MRPL24: variants seen among roughly 807,000 people sequenced by gnomAD.
The protein encoded by MRPL24 is mitochondrial ribosomal protein L24.
Under a neutral mutation model 26.9 loss-of-function variants are expected in MRPL24, and 15 were observed. That is an observed-to-expected ratio of 0.56 (90% CI 0.37 to 0.86). MRPL24 has a LOEUF of 0.86. MRPL24 is among the 40% of genes least tolerant of loss of function. The pLI, the probability that MRPL24 is intolerant of heterozygous loss-of-function variation, is 0.00. For synonymous variants in MRPL24, 92 were observed against 102.4 expected (o/e 0.90, Z 0.62); for missense variants, 241 against 281.4 (o/e 0.86, Z 1.03).
intron 1 of MRPL24, among the ~76,000 whole-genome samples, chr1:156,739,658 A>ACTT (rs1650013125): frequency 1.4e-5 from 2 of 146,496 alleles, no homozygotes; most frequent in South Asian, 4.3e-4. Flanking sequence ...AGGCAACTTA[A>ACTT]CTTTTTTTTT....
chr1:156,737,635 C>T lies in MRPL24; in HGVS notation c.514+11G>A. The T allele has an allele frequency of 6.2e-7, 1 of 1,614,098 alleles. No individual in the cohort carries two copies. ...GCACCCACCCCTGACCTTCCTGCCC[C>T]TCACTCTCACCAATCCACGTTTCAG... On this transcript the variant is annotated intron_variant, in intron 5 of 5. Coordinates refer to ENST00000361531, the MANE Select transcript of MRPL24 (RefSeq NM_145729.3).
At chr1:156,737,618 C>T in intron 5 of MRPL24, 28 bp downstream of exon 5, 2 of 1,613,692 alleles carry the variant, frequency 1.2e-6, no homozygotes, top group Non-Finnish European at 8.5e-7. Flanking sequence ...TAGCACCCAC[C>T]CCTGACCTTC....
rs777643955 is a variant in MRPL24, at chr1:156,738,141, AAG to A, written c.280-9_280-8del. 2.4e-5 allele frequency: 38 copies of A among 1,613,772 alleles called. No homozygotes were observed. Among genetic ancestry groups the A allele is most frequent in the Non-Finnish European group, 3.0e-5 (35 of 1,179,798 alleles). On this transcript the variant is annotated splice_polypyrimidine_tract_variant and splice_region_variant and intron_variant, in intron 3 of 5. Transcript: ENST00000361531. The stretch of plus-strand genomic sequence containing the variant: ...TGCCAATGTAGCGGTAATGCTGTCC[AAG>A]AGAGGGGAGTGTCAGAAAGCACGGG...
At chr1:156,741,928 G>A (rs1032574995), upstream of MRPL24, among the ~76,000 whole-genome samples, 1 of 152,106 alleles carries the variant, frequency 6.6e-6, no homozygotes, top group Non-Finnish European at 1.5e-5. Context: ...TAGAATGAAT[G>A]GTGTGGTTTA....
At chr1:156,739,989 A>T (rs1650023495) in intron 1 of MRPL24, among the ~76,000 whole-genome samples, 1 of 152,222 alleles carries the variant, frequency 6.6e-6, no homozygotes, top group African/African-American at 2.4e-5. Context: ...TTTGAATTTC[A>T]GTTTCATCAT....
rs1015581912 is a variant in MRPL24 at position 156,738,420 on chromosome 1, T to G, written c.202A>C (p.Lys68Gln). ...CGDTVEILEG[K>Q]DAGKQGKVVQ... ...ACTTTGCCCTGCTTCCCGGCATCCT[T>G]GCCTTCTAGGATCTCCACCTGTGGG... Residue 68 changes from lysine (K) to glutamine (Q), a missense_variant, in exon 3 of 6, where the codon AAG becomes CAG. By Grantham distance (53) the Lys-to-Gln change is moderately conservative (BLOSUM62 1). Coordinates refer to ENST00000361531, the MANE Select transcript of MRPL24 (RefSeq NM_145729.3). The G allele has an allele frequency of 4.3e-6, 7 of 1,613,962 alleles. No individual in the cohort carries two copies. Among genetic ancestry groups the G allele is most frequent in the Non-Finnish European group, 5.9e-6 (7 of 1,179,910 alleles).
chr1:156,737,730 C>G lies in MRPL24; in HGVS notation c.430G>C (p.Val144Leu). The G allele has an allele frequency of 6.2e-7, 1 of 1,614,174 alleles. No individual in the cohort carries two copies. Among genetic ancestry groups the G allele is most frequent in the Non-Finnish European group, 8.5e-7 (1 of 1,180,026 alleles). Residue 144 changes from valine to leucine, a missense_variant, in exon 5 of 6, where the codon GTA becomes CTA. Val to Leu is a conservative substitution (Grantham distance 32, BLOSUM62 1). Transcript: ENST00000361531. ...CTCCCTGATCGTGTGGAGACTCGTA[C>G]CCGCTCTCCTGCTTCAGTAAATCTC... Reference protein sequence around the residue: ...EWRFTEAGERVRVSTRSGRII... With the variant: ...EWRFTEAGERLRVSTRSGRII...
chr1:156,738,511 G>A lies in MRPL24; in HGVS notation c.183+11C>T. ...TTCCCCATCACTCTACCCCCTGTAT[G>A]AGGCTCTCACCGTGTCCCCACAGAA... On this transcript the variant is annotated intron_variant, in intron 2 of 5. Coordinates refer to ENST00000361531, the MANE Select transcript of MRPL24 (RefSeq NM_145729.3). The A allele has an allele frequency of 1.2e-6, 2 of 1,614,082 alleles. No homozygotes were observed. Among genetic ancestry groups the A allele is most frequent in the Middle Eastern group, 1.6e-4 (1 of 6,062 alleles).
chr1:156,738,471 T>A (rs951716433), intron 2 of MRPL24, 33 bp from the exon 3 acceptor site: 1 of 1,613,266 alleles, frequency 6.2e-7, no homozygotes. Flanking sequence ...GGGAGGGGGA[T>A]CCTTGCCCAG....
At chr1:156,741,447 C>A (rs951372859), upstream of MRPL24, 1 of 152,238 alleles carries the variant, frequency 6.6e-6, no homozygotes, top group Non-Finnish European at 1.5e-5. Flanking sequence ...CCAGACAGGG[C>A]TACCGCCAAT....
Position 156,738,620 on chromosome 1 carries a change from CAG to C in MRPL24, c.83_84del (p.Ser28CysfsTer23). ...GGGGGGTTCTTCCTCTTGTCTGCAA[CAG>C]AGCCTGGGGGGCTCATCCCATAGCG... ...HYRYGMSPPG[S>X]VADKRKNPPW... On this transcript the variant is annotated frameshift_variant, in exon 2 of 6. Transcript: ENST00000361531. LOFTEE classifies it high-confidence loss of function. 1 of 1,612,794 alleles carries C rather than the reference CAG, an allele frequency of 6.2e-7. No individual in the cohort carries two copies. The highest frequency in any genetic ancestry group is 8.5e-7 in the Non-Finnish European group (1 of 1,179,482).
At chr1:156,737,838 A>G (rs1337364943) in intron 4 of MRPL24, 62 bp from the exon 5 acceptor site, 1 of 1,598,758 alleles carries the variant, frequency 6.3e-7, no homozygotes, top group South Asian at 1.1e-5. Context: ...CTCCAACCCA[A>G]AAGAGTCAGT....
At position 156,737,321 on chromosome 1, in the gene MRPL24, T is replaced by C. The variant is rs1649895776; in HGVS notation, c.*77A>G. ...ACAGGAGGACTCATAAAGTGCTCTT[T>C]ATTGGCATCTGAAAAAGAAGTGCCT... On this transcript the variant is annotated 3_prime_UTR_variant, in exon 6 of 6. Coordinates refer to ENST00000361531, the MANE Select transcript of MRPL24 (RefSeq NM_145729.3). 1.3e-6 allele frequency: 2 copies of C among 1,488,944 alleles called. No homozygotes were observed. Among genetic ancestry groups the C allele is most frequent in the East Asian group, 2.3e-5 (1 of 43,782 alleles). The allele number at this position is 1,488,944 out of a possible 1,614,324, so 92.2% of individuals were successfully genotyped here.
intron 1 of MRPL24, among the ~76,000 whole-genome samples, chr1:156,739,356 C>G (rs571406976): frequency 6.6e-6 from 1 of 152,116 alleles, no homozygotes; most frequent in Non-Finnish European, 1.5e-5. Context: ...CTAAACCACT[C>G]GATTCTCAAT....
intron 1 of MRPL24, chr1:156,740,366 A>AC (rs990101436): frequency 1.2e-4 from 18 of 152,094 alleles, no homozygotes; most frequent in South Asian, 6.2e-4. Context: ...AAACAAACAA[A>AC]AAAAAACCCC....
At chr1:156,739,903 G>T (rs1650020682) in intron 1 of MRPL24, among the ~76,000 whole-genome samples, 1 of 152,032 alleles carries the variant, frequency 6.6e-6, no homozygotes, top group African/African-American at 2.4e-5. Flanking sequence ...CTGACCTCAG[G>T]TGATCCATCT....
Position 156,738,442 on chromosome 1 carries a change from T to TG in MRPL24, c.184-5dup. 6.2e-7 allele frequency: 1 copy of TG among 1,613,828 alleles called. No individual in the cohort carries two copies. Among genetic ancestry groups the TG allele is most frequent in the Non-Finnish European group, 8.5e-7 (1 of 1,179,812 alleles). On this transcript the variant is annotated splice_polypyrimidine_tract_variant and splice_region_variant and intron_variant, in intron 2 of 5. Transcript: ENST00000361531. ...CCTTGCCTTCTAGGATCTCCACCTG[T>TG]GGGAAGATACGAAGGTTAGGGAGGG...
intron 1 of MRPL24, among the ~76,000 whole-genome samples, chr1:156,740,714 G>T (rs1351672778): frequency 2.0e-5 from 3 of 152,052 alleles, no homozygotes; most frequent in African/African-American, 7.2e-5. Flanking sequence ...CCAGCCCAGA[G>T]CAGCTTGCAT....
intron 1 of MRPL24, among the ~76,000 whole-genome samples, chr1:156,740,715 C>T (rs534623109): frequency 2.0e-5 from 3 of 152,170 alleles, no homozygotes; most frequent in African/African-American, 7.2e-5. Flanking sequence ...CAGCCCAGAG[C>T]AGCTTGCATG....
Sources: allele counts gnomAD v4.1 joint callset (sites outside exome capture counted in the v4.1 genomes callset), GRCh38; gene constraint gnomAD v4.1.1; transcripts MANE v1.5; gene names NCBI Gene and HGNC (gene_info 2026-07-23, HGNC 2026-07-21).